TXN: variants seen among roughly 807,000 people sequenced by gnomAD.
The protein encoded by TXN is ADF.
TXN carries 10 observed loss-of-function variants against 16.5 expected under a neutral mutation model. That is an observed-to-expected ratio of 0.61 (90% CI 0.37 to 1.03). The LOEUF (loss-of-function observed/expected upper bound fraction) is 1.03. Among genes scored for constraint, TXN ranks in the 50% least tolerant of loss-of-function variants. TXN has a pLI of 0.01. For synonymous variants in TXN, 35 were observed against 39.4 expected, an observed-to-expected ratio of 0.89 and a Z score of 0.42; for missense variants, 71 against 122.5, an observed-to-expected ratio of 0.58 and a Z score of 1.98.
chr9:110,244,941 T>TGTACCCCACATTTCCGCATGA lies in TXN; in HGVS notation c.190-119_190-99dup, dbSNP rs1248463325. ...CAAAACCAGAAACTTTTCCCTGTCA[T>TGTACCCCACATTTCCGCATGA]GTACCCCACATTTCCGCATGAGGAC... On this transcript the variant is annotated intron_variant, in intron 3 of 4. Transcript: ENST00000374517. 44 of 863,576 alleles carry TGTACCCCACATTTCCGCATGA rather than the reference T, an allele frequency of 5.1e-5. No individual in the cohort carries two copies. In the African/African-American group the frequency reaches 6.8e-4, roughly 13 times the overall value. The allele number at this position is 863,576 out of a possible 1,614,324, so 53.5% of individuals were successfully genotyped here. A position where few individuals can be genotyped will look rare whatever the true frequency, so the allele number is the denominator to read the frequency against.
chr9:110,252,223 C>CAA lies in TXN; in HGVS notation c.25-763_25-762dup, dbSNP rs377246017. 2.5e-3 allele frequency among the ~76,000 whole-genome samples: 146 copies of CAA among 58,198 alleles called. 2 individuals are homozygous for CAA. The highest frequency in any genetic ancestry group is 0.013 in the Middle Eastern group (1 of 78). 38.2% of individuals were successfully genotyped at this position (58,198 alleles called of 152,430 possible). On this transcript the variant is annotated intron_variant, in intron 1 of 4. Coordinates refer to ENST00000374517, the MANE Select transcript of TXN (RefSeq NM_003329.4). ...TGGGCAATAGACGGAGACTCTGTCG[C>CAA]AAAAAAAAAAAAAAAAAAAAAAGCT... is the stretch of plus-strand genomic sequence containing the variant.
intron 1 of TXN, among the ~76,000 whole-genome samples, chr9:110,253,443 T>A (rs1239900482): frequency 6.6e-6 from 1 of 152,210 alleles, no homozygotes; most frequent in Non-Finnish European, 1.5e-5. Context: ...TTCCCTAATG[T>A]GATTTTCAAG....
In TXN at chr9:110,251,415, TA is replaced by T; in HGVS notation, c.71del (p.Val24GlufsTer14). 1 of 1,612,196 alleles carries T rather than the reference TA, an allele frequency of 6.2e-7. No homozygotes were observed. Among genetic ancestry groups the T allele is most frequent in the Non-Finnish European group, 8.5e-7 (1 of 1,179,844 alleles). On this transcript the variant is annotated frameshift_variant, in exon 2 of 5. Transcript: ENST00000374517. LOFTEE classifies it high-confidence loss of function. ...CACACCACGTGGCTGAGAAGTCAACTACTACAAGTTTATCACCTGCAGCGTC... is the reference window on the plus strand; with the variant it reads ...CACACCACGTGGCTGAGAAGTCAACTCTACAAGTTTATCACCTGCAGCGTC... ...ALDAAGDKLV[V>X]VDFSATWCGP...
chr9:110,245,654 A>ATATATTT (rs1232332404), intron 3 of TXN, among the ~76,000 whole-genome samples: 4 of 21,770 alleles, frequency 1.8e-4, no homozygotes, highest in African/African-American at 5.9e-4. Flanking sequence ...ATATATATAT[A>ATATATTT]TTTTTTTTTT....
At chr9:110,247,682 A>T (rs151323897) in intron 3 of TXN, among the ~76,000 whole-genome samples, 1 of 152,262 alleles carries the variant, frequency 6.6e-6, no homozygotes, top group African/African-American at 2.4e-5. Flanking sequence ...TTAAAAAAGC[A>T]TATCACTACA....
chr9:110,255,228 G>A (rs565534942), intron 1 of TXN, among the ~76,000 whole-genome samples: 10 of 152,342 alleles, frequency 6.6e-5, no homozygotes, highest in Admixed American at 5.2e-4. Context: ...CCCGCAGGTA[G>A]GGAGGGGTAA....
intron 3 of TXN, among the ~76,000 whole-genome samples, chr9:110,250,060 G>C (rs1290013476): frequency 6.6e-6 from 1 of 152,224 alleles, no homozygotes; most frequent in Non-Finnish European, 1.5e-5. Context: ...ACACCCACAA[G>C]ACAGAGCATC....
chr9:110,247,823 C>T (rs939323652), intron 3 of TXN, among the ~76,000 whole-genome samples: 2 of 152,072 alleles, frequency 1.3e-5, no homozygotes, highest in South Asian at 2.1e-4. Flanking sequence ...ATACAACAGG[C>T]TCAGGCAGGC....
Position 110,256,085 on chromosome 9 carries a change from G to C in TXN, c.24+327C>G, listed in dbSNP as rs1350722340. Among the ~76,000 whole-genome samples the C allele has an allele frequency of 6.6e-6, 1 of 152,164 alleles. No homozygotes were observed. The highest frequency in any genetic ancestry group is 1.9e-4 in the East Asian group (1 of 5,176). ...CGTGGGGACTCCTCACGCTGTCTGC[G>C]CTCTCACATCCCCCGGACGCTCCCC... On this transcript the variant is annotated intron_variant, in intron 1 of 4. Coordinates refer to ENST00000374517, the MANE Select transcript of TXN (RefSeq NM_003329.4). The surrounding 1 kb of genome is among the most constrained non-coding windows in gnomAD (Gnocchi z 4.2).
In TXN at chr9:110,256,500, A is replaced by G; in HGVS notation, c.-65T>C. ...TGGAAATGGATCCAAAGCACCAAAC[A>G]GAGCTTCAAGACTCGCTGCTTGCTC... On this transcript the variant is annotated 5_prime_UTR_variant, in exon 1 of 5. Transcript: ENST00000374517. The surrounding 1 kb of genome is among the most constrained non-coding windows in gnomAD (Gnocchi z 4.2). 6.5e-7 allele frequency: 1 copy of G among 1,537,066 alleles called. No homozygotes were observed. The highest frequency in any genetic ancestry group is 8.9e-7 in the Non-Finnish European group (1 of 1,128,266).
At position 110,251,586 on chromosome 9, in the gene TXN, CAAAA is replaced by C. The variant is rs5899890; in HGVS notation, c.25-128_25-125del. On this transcript the variant is annotated intron_variant, in intron 1 of 4. Coordinates refer to ENST00000374517, the MANE Select transcript of TXN (RefSeq NM_003329.4). ...CTCCTTTCAGGACCTACTTTTTAGCCAAAAAAAAAAAAAAAAAAAAAAAAAAATC... is the reference window on the plus strand; with the variant it reads ...CTCCTTTCAGGACCTACTTTTTAGCCAAAAAAAAAAAAAAAAAAAAAAATC... 117 of 56,202 alleles carry C rather than the reference CAAAA, an allele frequency of 2.1e-3. No individual in the cohort carries two copies. In the South Asian group the frequency reaches 0.024, roughly 11 times the overall value. The allele number at this position is 56,202 out of a possible 1,614,324, so 3.5% of individuals were successfully genotyped here. A position where few individuals can be genotyped will look rare whatever the true frequency, so the allele number is the denominator to read the frequency against.
At chr9:110,248,309 G>T (rs1463689591) in intron 3 of TXN, among the ~76,000 whole-genome samples, 1 of 152,174 alleles carries the variant, frequency 6.6e-6, no homozygotes, top group African/African-American at 2.4e-5. Context: ...TCTCAGTCCT[G>T]CAAGTCCCGT....
intron 3 of TXN, chr9:110,245,124 A>T (rs1452757141): frequency 1.5e-5 from 4 of 271,094 alleles, no homozygotes; most frequent in Admixed American, 1.3e-4. Context: ...CAGATACTCC[A>T]GCGATCCAAT....
At position 110,243,828 on chromosome 9, in the gene TXN, T is replaced by C. The variant is rs4135227; in HGVS notation, c.*329A>G. 2,091 of 158,946 alleles carry C rather than the reference T, an allele frequency of 0.013. 50 individuals carry two copies. The highest frequency in any genetic ancestry group is 0.046 in the African/African-American group (1,922 of 41,794). 9.8% of individuals were successfully genotyped at this position (158,946 alleles called of 1,614,324 possible). Reference sequence around the variant, plus strand: ...CAAAAGATAACAAATAACAACATACTACTTTATTACCTGCATTGCCCCCAA... The same window carrying C: ...CAAAAGATAACAAATAACAACATACCACTTTATTACCTGCATTGCCCCCAA... On this transcript the variant is annotated 3_prime_UTR_variant, in exon 5 of 5. Transcript: ENST00000374517.
intron 2 of TXN, among the ~76,000 whole-genome samples, 194 bp from the exon 3 acceptor site, chr9:110,251,073 T>C (rs1221577699): frequency 6.6e-6 from 1 of 152,278 alleles, no homozygotes; most frequent in African/African-American, 2.4e-5. Flanking sequence ...TAAAACAGCT[T>C]GGCATATCAA....
At chr9:110,252,514 A>G (rs1456301491) in intron 1 of TXN, among the ~76,000 whole-genome samples, 2 of 152,198 alleles carry the variant, frequency 1.3e-5, no homozygotes, top group Non-Finnish European at 2.9e-5. Context: ...ATTTTTCATA[A>G]GGAATGCTTG....
chr9:110,254,305 G>C (rs573144555), intron 1 of TXN, among the ~76,000 whole-genome samples: 1 of 152,226 alleles, frequency 6.6e-6, no homozygotes, highest in Non-Finnish European at 1.5e-5. Context: ...TGGATCACCT[G>C]AAGTCAGGAG....
rs545752824 is a variant in TXN at position 110,255,952 on chromosome 9, C to G, written c.24+460G>C. On this transcript the variant is annotated intron_variant, in intron 1 of 4. Coordinates refer to ENST00000374517, the MANE Select transcript of TXN (RefSeq NM_003329.4). ...TCTGCAAGGGCCCTCCCTATCCTTG[C>G]CTGGGGCCTGAATCTGGATACAGAT... Among the ~76,000 whole-genome samples the G allele has an allele frequency of 4.6e-5, 7 of 152,312 alleles. No homozygotes were observed. The South Asian group carries it at 1.4e-3, about 32-fold the overall frequency.
At chr9:110,249,114 G>A (rs1457777754) in intron 3 of TXN, among the ~76,000 whole-genome samples, 8 of 100,088 alleles carry the variant, frequency 8.0e-5, no homozygotes, top group African/African-American at 3.3e-4. Flanking sequence ...GTGACAGAGT[G>A]AACTCCATCT....
Sources: allele counts gnomAD v4.1 joint callset (sites outside exome capture counted in the v4.1 genomes callset), GRCh38; gene constraint gnomAD v4.1.1; non-coding constraint Gnocchi (gnomAD v3.1); transcripts MANE v1.5; gene names NCBI Gene and HGNC (gene_info 2026-07-23, HGNC 2026-07-21).